Variants in IQGAP1 observed in about 807,000 individuals in gnomAD.
IQGAP1 encodes IQ motif containing GTPase activating protein 1, also known as ras GTPase-activating-like protein IQGAP1.
IQGAP1 carries 66 observed loss-of-function variants against 215.6 expected under a neutral mutation model. The ratio of observed to expected loss-of-function variants is 0.31; its 90% CI spans 0.25 to 0.38. The LOEUF (loss-of-function observed/expected upper bound fraction) is 0.38, where lower values mean the gene tolerates loss of function less well. IQGAP1 is among the 10% of genes least tolerant of loss of function. The pLI is 1.00. For synonymous variants in IQGAP1, 772 were observed against 728.7 expected (o/e 1.06, Z -0.96); for missense variants, 1,712 against 1,997.1 (o/e 0.86, Z 2.72).
In IQGAP1 at chr15:90,459,701, TTTTTG is replaced by T. The variant is rs995508105; in HGVS notation, c.1776+3406_1776+3410del. Among the ~76,000 whole-genome samples the T allele has an allele frequency of 7.2e-5, 11 of 152,248 alleles. No homozygotes were observed. The East Asian group carries it at 7.7e-4, about 11-fold the overall frequency. ...TTGTTTGTTTGTTTTTGGTTTGGGT[TTTTTG>T]TTTTGTTTTGTTTTGTTTTTTGTTT... On this transcript the variant is annotated intron_variant, in intron 15 of 37. Coordinates refer to ENST00000268182, the MANE Select transcript of IQGAP1 (RefSeq NM_003870.4).
rs909070857 is a variant in IQGAP1, at chr15:90,456,065, T to G, written c.1613-87T>G. On this transcript the variant is annotated intron_variant, in intron 14 of 37. Transcript: ENST00000268182. ...GAATCATGGTTACTCTTAGGTGGAT[T>G]TATGATTAGTTAGCATGTTCCATGA... The G allele has an allele frequency of 2.6e-6, 3 of 1,132,452 alleles. No individual in the cohort carries two copies. In the Admixed American group the frequency reaches 7.0e-5, roughly 27 times the overall value. 70.2% of individuals were successfully genotyped at this position (1,132,452 alleles called of 1,614,324 possible).
At chr15:90,437,740 A>G (rs1461840612) in intron 5 of IQGAP1, among the ~76,000 whole-genome samples, 2 of 152,018 alleles carry the variant, frequency 1.3e-5, no homozygotes, top group Non-Finnish European at 1.5e-5. Context: ...AAGTCTTGCT[A>G]TGTTGCTCAA....
At chr15:90,456,678 C>G (rs1168303737) in intron 15 of IQGAP1, among the ~76,000 whole-genome samples, 1 of 149,294 alleles carries the variant, frequency 6.7e-6, no homozygotes, top group African/African-American at 2.5e-5. Flanking sequence ...GAGTTCAAGA[C>G]CAGCCTGGCC....
intron 35 of IQGAP1, chr15:90,494,163 T>TA (rs2151040337): frequency 6.6e-6 from 1 of 152,410 alleles, no homozygotes; most frequent in African/African-American, 2.4e-5. Flanking sequence ...CTCTTGTACA[T>TA]ATGTCATTTT....
At chr15:90,482,319 G>A (rs1966070593) in intron 28 of IQGAP1, 38 bp downstream of exon 28, 1 of 1,599,078 alleles carries the variant, frequency 6.3e-7, no homozygotes. Context: ...TGCCCTTTGA[G>A]GACAAAGCAA....
At chr15:90,475,959 A>G (rs1018894750) in intron 23 of IQGAP1, among the ~76,000 whole-genome samples, 1 of 151,942 alleles carries the variant, frequency 6.6e-6, no homozygotes, top group African/African-American at 2.4e-5. Context: ...TTTTTGAAAC[A>G]GAGTTTCCCT....
At chr15:90,413,277 C>T (rs1336357560) in intron 2 of IQGAP1, among the ~76,000 whole-genome samples, 1 of 152,136 alleles carries the variant, frequency 6.6e-6, no homozygotes, top group African/African-American at 2.4e-5. Flanking sequence ...GAGCCTACTA[C>T]TAGTTGCTGG....
chr15:90,448,240 G>A (rs965663761), intron 9 of IQGAP1, among the ~76,000 whole-genome samples: 1 of 152,150 alleles, frequency 6.6e-6, no homozygotes, highest in Non-Finnish European at 1.5e-5. Context: ...CAACTACTTG[G>A]CATTTTAAGG....
chr15:90,388,460 T>G, intron 1 of IQGAP1, 64 bp downstream of exon 1: 4 of 1,406,304 alleles, frequency 2.8e-6, no homozygotes, highest in Non-Finnish European at 3.8e-6. Flanking sequence ...AGGCGCGATT[T>G]TCCTGGGGGC....
intron 9 of IQGAP1, among the ~76,000 whole-genome samples, chr15:90,446,392 A>T (rs966826097): frequency 3.9e-5 from 6 of 152,238 alleles, no homozygotes; most frequent in Non-Finnish European, 4.4e-5. Context: ...GGGAAGATAG[A>T]CATACAAATG....
At chr15:90,460,860 A>G (rs1454567560) in intron 15 of IQGAP1, among the ~76,000 whole-genome samples, 2 of 151,944 alleles carry the variant, frequency 1.3e-5, no homozygotes, top group African/African-American at 4.8e-5. Flanking sequence ...TTAGCTGGAC[A>G]CGGTGGTGTG....
chr15:90,437,586 G>T (rs1412022210), intron 5 of IQGAP1, among the ~76,000 whole-genome samples: 1 of 152,048 alleles, frequency 6.6e-6, no homozygotes, highest in Admixed American at 6.6e-5. Flanking sequence ...CTTTTGCCTA[G>T]GCTGGAACGC....
At position 90,474,994 on chromosome 15, in the gene IQGAP1, C is replaced by CTTTT. The variant is rs771704265; in HGVS notation, c.2784+319_2784+322dup. The CTTTT allele has an allele frequency of 4.2e-3, 501 of 119,542 alleles. 19 individuals are homozygous for CTTTT. Among genetic ancestry groups the CTTTT allele is most frequent in the African/African-American group, 0.014 (362 of 25,814 alleles). 7.4% of individuals were successfully genotyped at this position (119,542 alleles called of 1,614,324 possible). ...CTGGCTAATGTTTTTTGATTTTTGG[C>CTTTT]TTTTTTTTTTTTTTTTTTTTTGCTG... is the stretch of plus-strand genomic sequence containing the variant. On this transcript the variant is annotated intron_variant, in intron 23 of 37. Coordinates refer to ENST00000268182, the MANE Select transcript of IQGAP1 (RefSeq NM_003870.4).
Position 90,441,598 on chromosome 15 carries a change from G to A in IQGAP1, c.742G>A (p.Val248Ile), listed in dbSNP as rs139541147. Reference sequence around the variant, plus strand: ...TTTGAAAAATCCGAATGCCATGCTTGTAAATCTTGAAGAGCCCTTGGCATC... The same window carrying A: ...TTTGAAAAATCCGAATGCCATGCTTATAAATCTTGAAGAGCCCTTGGCATC... ...AALKNPNAML[V>I]NLEEPLASTY... The change falls in exon 8 of 38, where the codon GTA (valine) becomes ATA (isoleucine). Residue 248 changes from valine to isoleucine, a missense_variant. Val to Ile is a conservative substitution (Grantham distance 29). Transcript: ENST00000268182. 2.5e-6 allele frequency: 4 copies of A among 1,613,778 alleles called. No individual in the cohort carries two copies. The highest frequency in any genetic ancestry group is 1.1e-5 in the South Asian group (1 of 91,076).
At chr15:90,491,950 A>AT (rs1255673064) in intron 34 of IQGAP1, among the ~76,000 whole-genome samples, 1 of 152,204 alleles carries the variant, frequency 6.6e-6, no homozygotes, top group Non-Finnish European at 1.5e-5. Flanking sequence ...CTAAGATAAT[A>AT]TTATGCACAC....
intron 9 of IQGAP1, among the ~76,000 whole-genome samples, chr15:90,447,250 G>C (rs1386053343): frequency 1.3e-5 from 2 of 152,166 alleles, no homozygotes; most frequent in Admixed American, 1.3e-4. Context: ...TTGAATGGCA[G>C]GTATGAATAT....
chr15:90,434,518 A>G (rs1055379481), intron 5 of IQGAP1, among the ~76,000 whole-genome samples: 2 of 152,114 alleles, frequency 1.3e-5, no homozygotes, highest in Admixed American at 6.6e-5. Context: ...GATACAAAAT[A>G]TATTTTTTTC....
rs1414352486 is a variant in IQGAP1 at position 90,483,585 on chromosome 15, G to T, written c.3780G>T (p.Gln1260His). ...IINEYLSQSY[Q>H]KFRRFFQTAC... Reference sequence around the variant, plus strand: ...ATGAATATCTTTCCCAGTCCTACCAGAAATTCAGGTAAGGGGAAAGGCACA... The same window carrying T: ...ATGAATATCTTTCCCAGTCCTACCATAAATTCAGGTAAGGGGAAAGGCACA... The change falls in exon 29 of 38, where the codon CAG (glutamine) becomes CAT (histidine). Residue 1260 changes from glutamine (Q) to histidine (H), a missense_variant. By Grantham distance (24) the Gln-to-His change is conservative. Around this residue, in one of 2 missense-constraint regions of IQGAP1, gnomAD observed 691 missense variants for 923.0 expected, o/e 0.75. Coordinates refer to ENST00000268182, the MANE Select transcript of IQGAP1 (RefSeq NM_003870.4). 1 of 1,606,890 alleles carries T rather than the reference G, an allele frequency of 6.2e-7. No homozygotes were observed. Among genetic ancestry groups the T allele is most frequent in the Admixed American group, 1.7e-5 (1 of 60,020 alleles).
intron 14 of IQGAP1, among the ~76,000 whole-genome samples, chr15:90,455,703 T>C (rs1965670134): frequency 6.6e-6 from 1 of 152,268 alleles, no homozygotes; most frequent in African/African-American, 2.4e-5. Flanking sequence ...ATTTGTTTGC[T>C]GTGTAATCTT....
Sources: gnomAD v4.1 joint callset for allele counts (sites outside exome capture counted in the v4.1 genomes callset) on GRCh38, gnomAD v4.1.1 for gene constraint, gnomAD v4.1.1 regional missense constraint, MANE v1.5 for transcripts, NCBI Gene and HGNC (gene_info 2026-07-23, HGNC 2026-07-21) for gene names.